ZNF343: variants seen among roughly 807,000 people sequenced by gnomAD.
ZNF343 encodes zinc finger protein 343.
ZNF343 carries 11 observed loss-of-function variants against 13.8 expected under a neutral mutation model. The observed-to-expected ratio is 0.80, with a 90% confidence interval of 0.50 to 1.32. The LOEUF is 1.32. Ranked by LOEUF, ZNF343 falls within the 40% of genes most tolerant of loss-of-function variation. The pLI is 0.00. For missense variants in ZNF343, 658 were observed against 714.2 expected (o/e 0.92, Z 0.90); for synonymous variants, 248 against 260.0 (o/e 0.95, Z 0.44).
intron 5 of ZNF343, among the ~76,000 whole-genome samples, chr20:2,490,646 T>C (rs1806988081): frequency 6.6e-6 from 1 of 151,704 alleles, no homozygotes; most frequent in Admixed American, 6.6e-5. Context: ...CAAGTGAATC[T>C]CCTGCCTCAG....
rs920169107 is a variant in ZNF343, at chr20:2,498,049, A to G, written c.-150+2607T>C. 3.9e-5 allele frequency among the ~76,000 whole-genome samples: 6 copies of G among 152,272 alleles called. No individual in the cohort carries two copies. In the East Asian group the frequency reaches 1.2e-3, roughly 29 times the overall value. On this transcript the variant is annotated intron_variant, in intron 2 of 5. Transcript: ENST00000278772. Reference sequence around the variant, plus strand: ...GAGCCACTTCATGGTCCAGTGAGGGAAAGTACTCATATATAAAGTGCTTCA... The same window carrying G: ...GAGCCACTTCATGGTCCAGTGAGGGGAAGTACTCATATATAAAGTGCTTCA...
chr20:2,497,381 A>G (rs767268771), intron 2 of ZNF343, among the ~76,000 whole-genome samples: 8 of 152,126 alleles, frequency 5.3e-5, no homozygotes, highest in Non-Finnish European at 8.8e-5. Flanking sequence ...AGGCCAGGGA[A>G]AAAAAGAACC....
intron 2 of ZNF343, among the ~76,000 whole-genome samples, chr20:2,498,153 G>A (rs548191557): frequency 1.3e-5 from 2 of 152,202 alleles, no homozygotes; most frequent in African/African-American, 4.8e-5. Context: ...GGTCAGGAGG[G>A]CAAGACCAGC....
intron 1 of ZNF343, among the ~76,000 whole-genome samples, chr20:2,515,948 G>A (rs1229944710): frequency 6.6e-6 from 1 of 152,150 alleles, no homozygotes; most frequent in African/African-American, 2.4e-5. Flanking sequence ...GAGGAGGGGA[G>A]TCAGACTCAG....
chr20:2,484,978 G>A (rs956260089), intron 5 of ZNF343, among the ~76,000 whole-genome samples: 1 of 151,964 alleles, frequency 6.6e-6, no homozygotes, highest in Non-Finnish European at 1.5e-5. Context: ...TCTTTGTTCT[G>A]CTTGGAGATA....
chr20:2,500,122 T>TG (rs1342385534), intron 2 of ZNF343, among the ~76,000 whole-genome samples: 2 of 146,758 alleles, frequency 1.4e-5, no homozygotes, highest in African/African-American at 2.5e-5. Flanking sequence ...AATGAGGAGG[T>TG]GGGGGGCTCA....
intron 5 of ZNF343, among the ~76,000 whole-genome samples, chr20:2,490,681 G>A (rs1600043729): frequency 1.3e-5 from 2 of 151,894 alleles, no homozygotes; most frequent in South Asian, 4.1e-4. Context: ...GGGATTACAG[G>A]TGCCCGCCAC....
intron 1 of ZNF343, among the ~76,000 whole-genome samples, chr20:2,506,634 T>C (rs1159761526): frequency 3.9e-5 from 6 of 152,222 alleles, no homozygotes; most frequent in African/African-American, 1.4e-4. Flanking sequence ...GATGAGTTCA[T>C]GTCCTTTGTA....
chr20:2,502,256 T>G (rs1472416476), intron 1 of ZNF343, among the ~76,000 whole-genome samples: 1 of 151,842 alleles, frequency 6.6e-6, no homozygotes, highest in Non-Finnish European at 1.5e-5. Flanking sequence ...GAAGAGAAGT[T>G]AGAGAAAAAA....
intron 5 of ZNF343, among the ~76,000 whole-genome samples, chr20:2,489,678 G>A (rs6114527): frequency 0.19 from 29,346 of 152,102 alleles, 3,542 homozygotes; most frequent in African/African-American, 0.34. Flanking sequence ...TGAGAAATGA[G>A]CATTTGCTAT....
chr20:2,512,924 A>C (rs2085744630), upstream of ZNF343, among the ~76,000 whole-genome samples: 1 of 150,724 alleles, frequency 6.6e-6, no homozygotes, highest in South Asian at 2.1e-4. Flanking sequence ...TCTACCAAAA[A>C]AAAAAAAAAA....
At position 2,483,304 on chromosome 20, in the gene ZNF343, C is replaced by G. The variant is rs2085202086; in HGVS notation, c.1657G>C (p.Glu553Gln). The change falls in exon 6 of 6, where the codon GAG (glutamate) becomes CAG (glutamine). Residue 553 changes from glutamate to glutamine, a missense_variant. Physicochemically the swap from Glu to Gln is conservative, Grantham distance 29. Coordinates refer to ENST00000278772, the MANE Select transcript of ZNF343 (RefSeq NM_024325.6). Reference protein sequence around the residue: ...HSGEKPYVCSECGRGFSRKSL... With the variant: ...HSGEKPYVCSQCGRGFSRKSL... ...TTCCGGCTAAAGCCTCGGCCACACT[C>G]ACTGCACACGTAAGGCTTCTCTCCT... The G allele has an allele frequency of 6.2e-7, 1 of 1,611,080 alleles. No individual in the cohort carries two copies. Among genetic ancestry groups the G allele is most frequent in the Non-Finnish European group, 8.5e-7 (1 of 1,179,206 alleles).
In ZNF343 at chr20:2,484,181, C is replaced by T. The variant is rs376214760; in HGVS notation, c.780G>A (p.Pro260=). ...AGGGCTTCTTCCCTAAGAGGGTCCT[C>T]GGGTTTGTAATAAAGTTTGATTCCA... ...HNLESNFITN[P]RTLLGKKPYI... Residue 260 remains proline (P), a synonymous_variant, in exon 6 of 6, where the codon CCG becomes CCA. Coordinates refer to ENST00000278772, the MANE Select transcript of ZNF343 (RefSeq NM_024325.6). 60 of 1,614,092 alleles carry T rather than the reference C, an allele frequency of 3.7e-5. No individual in the cohort carries two copies. Among genetic ancestry groups the T allele is most frequent in the Admixed American group, 5.0e-5 (3 of 60,000 alleles).
rs567138911 is a variant in ZNF343 at position 2,517,662 on chromosome 20, T to C, written c.-347+6793A>G. Among the ~76,000 whole-genome samples, 6 of 149,022 alleles carry C rather than the reference T, an allele frequency of 4.0e-5. No homozygotes were observed. The East Asian group carries it at 1.2e-3, about 30-fold the overall frequency. ...GACTACAGGCACACACCACCATGCC[T>C]GGCTAGTTATTAATTTTTTTTTTTT... On this transcript the variant is annotated intron_variant, in intron 1 of 6. Coordinates refer to the ZNF343 transcript ENST00000358413.
intron 1 of ZNF343, among the ~76,000 whole-genome samples, chr20:2,503,556 G>T (rs935384292): frequency 6.6e-6 from 1 of 152,070 alleles, no homozygotes; most frequent in Non-Finnish European, 1.5e-5. Context: ...CACATAGTTG[G>T]AAGTAAAGCA....
At chr20:2,511,248 A>G (rs1427536551), upstream of ZNF343, among the ~76,000 whole-genome samples, 2 of 151,982 alleles carry the variant, frequency 1.3e-5, no homozygotes, top group East Asian at 1.9e-4. Context: ...AGTTGGGACT[A>G]CAGGCACATG....
upstream of ZNF343, among the ~76,000 whole-genome samples, chr20:2,513,218 A>G (rs1344507356): frequency 6.6e-6 from 1 of 152,236 alleles, no homozygotes; most frequent in African/African-American, 2.4e-5. Flanking sequence ...TATATCTGAT[A>G]ATGGTCTAAT....
At chr20:2,515,309 T>C (rs200100518) in intron 1 of ZNF343, among the ~76,000 whole-genome samples, 1 of 150,930 alleles carries the variant, frequency 6.6e-6, no homozygotes, top group African/African-American at 2.4e-5. Context: ...GGTTTTTTTC[T>C]TTTTTAGCCT....
rs529972898 is a variant in ZNF343, at chr20:2,497,851, T to C, written c.-150+2805A>G. On this transcript the variant is annotated intron_variant, in intron 2 of 5. Transcript: ENST00000278772. The stretch of plus-strand genomic sequence containing the variant: ...AATAATGGCCCAACCTACTTCTCAA[T>C]CTGAACCCCCCGTACCCACCCGCCC... Among the ~76,000 whole-genome samples the C allele has an allele frequency of 8.7e-4, 132 of 152,204 alleles. 2 individuals are homozygous for C. The South Asian group carries it at 0.023, about 27-fold the overall frequency.
Sources: gnomAD v4.1 joint callset for allele counts (sites outside exome capture counted in the v4.1 genomes callset) on GRCh38, gnomAD v4.1.1 for gene constraint, MANE v1.5 for transcripts, NCBI Gene and HGNC (gene_info 2026-07-23, HGNC 2026-07-21) for gene names.